BAIAP2: variants seen among roughly 807,000 people sequenced by gnomAD.
The protein encoded by BAIAP2 is BAR/IMD domain containing adaptor protein 2, also known as BAR/IMD domain-containing adapter protein 2.
BAIAP2 carries 18 observed loss-of-function variants against 63.0 expected under a neutral mutation model. The ratio of observed to expected loss-of-function variants is 0.29; its 90% CI spans 0.20 to 0.42. The LOEUF (loss-of-function observed/expected upper bound fraction) is 0.42. BAIAP2 is among the 10% of genes least tolerant of loss of function. The pLI is 1.00. For synonymous variants in BAIAP2, 386 were observed against 307.6 expected, an observed-to-expected ratio of 1.25 and a Z score of -2.67; for missense variants, 610 against 734.3, an observed-to-expected ratio of 0.83 and a Z score of 1.96.
chr17:81,062,493 C>G (rs959551026), intron 3 of BAIAP2, among the ~76,000 whole-genome samples: 2 of 152,296 alleles, frequency 1.3e-5, no homozygotes, highest in East Asian at 3.9e-4. Context: ...TGCACCCTTG[C>G]ACTGGCTTTG....
At chr17:81,071,698 T>C (rs2052693202) in intron 3 of BAIAP2, among the ~76,000 whole-genome samples, 1 of 152,258 alleles carries the variant, frequency 6.6e-6, no homozygotes, top group Non-Finnish European at 1.5e-5. Flanking sequence ...TTTGAGGGAC[T>C]CACGTCCAGC....
intron 1 of BAIAP2, among the ~76,000 whole-genome samples, chr17:81,038,139 G>A (rs977307703): frequency 6.6e-5 from 10 of 152,234 alleles, no homozygotes; most frequent in African/African-American, 1.9e-4. Flanking sequence ...GCTTGCTCAG[G>A]TTGCCCTGGG....
chr17:81,073,074 G>A (rs2052990304), intron 3 of BAIAP2, among the ~76,000 whole-genome samples: 1 of 152,130 alleles, frequency 6.6e-6, no homozygotes, highest in Non-Finnish European at 1.5e-5. Flanking sequence ...GAGGGTACCT[G>A]CTCTGGGGCC....
At chr17:81,075,292 C>T (rs1372551194) in intron 3 of BAIAP2, among the ~76,000 whole-genome samples, 24 of 152,254 alleles carry the variant, frequency 1.6e-4, no homozygotes, top group Admixed American at 1.6e-3. Context: ...GGACCATCCT[C>T]ACCTCCCTCC....
Position 81,060,276 on chromosome 17 carries a change from C to G in BAIAP2, c.217+2309C>G, listed in dbSNP as rs563607205. On this transcript the variant is annotated intron_variant, in intron 3 of 13. Coordinates refer to ENST00000428708, the MANE Select transcript of BAIAP2 (RefSeq NM_001144888.2). Reference sequence around the variant, plus strand: ...GTGCAACCATTGCCCCATCTAACTCCAAAGCATTTTTATCACCCCAAAGCG... The same window carrying G: ...GTGCAACCATTGCCCCATCTAACTCGAAAGCATTTTTATCACCCCAAAGCG... Among the ~76,000 whole-genome samples, 4 of 151,148 alleles carry G rather than the reference C, an allele frequency of 2.6e-5. No individual in the cohort carries two copies. The South Asian group carries it at 8.3e-4, about 31-fold the overall frequency.
intron 6 of BAIAP2, among the ~76,000 whole-genome samples, chr17:81,099,255 C>T (rs2058161371): frequency 6.6e-6 from 1 of 151,952 alleles, no homozygotes; most frequent in South Asian, 2.1e-4. Flanking sequence ...CCTTGGTGCA[C>T]GCTTATCCGG....
intron 6 of BAIAP2, among the ~76,000 whole-genome samples, chr17:81,091,627 A>C (rs1457411394): frequency 6.6e-6 from 1 of 152,162 alleles, no homozygotes; most frequent in Admixed American, 6.5e-5. Flanking sequence ...ACGTCGTTGG[A>C]GTGCAGGGCA....
At chr17:81,058,117 T>G in intron 3 of BAIAP2, 150 bp downstream of exon 3, 1 of 695,610 alleles carries the variant, frequency 1.4e-6, no homozygotes, top group African/African-American at 1.8e-5. Context: ...CCCTGGGAGC[T>G]GCCTTGTGGG....
At position 81,046,720 on chromosome 17, in the gene BAIAP2, C is replaced by T. The variant is rs562723183; in HGVS notation, c.55-6948C>T. 8.2e-4 allele frequency among the ~76,000 whole-genome samples: 125 copies of T among 152,342 alleles called. No individual in the cohort carries two copies. The highest frequency in any genetic ancestry group is 2.8e-3 in the African/African-American group (117 of 41,576). On this transcript the variant is annotated intron_variant, in intron 1 of 13. Transcript: ENST00000428708. The surrounding 1 kb of genome is among the most constrained non-coding windows in gnomAD (Gnocchi z 4.5). ...ACTGTCCACTGCTGCAGGGCCCCTC[C>T]TGTACCTCCCTAGTCCATGCTGTAC...
intron 10 of BAIAP2, 121 bp from the exon 11 acceptor site, chr17:81,105,957 C>T (rs2059133912): frequency 6.1e-6 from 5 of 815,336 alleles, no homozygotes; most frequent in Non-Finnish European, 5.9e-6. Flanking sequence ...GTCTCTGTTG[C>T]TCCAGAGACA....
intron 13 of BAIAP2, chr17:81,110,432 GTTTCC>G (rs1436600249): frequency 2.6e-5 from 26 of 992,318 alleles, no homozygotes; most frequent in Non-Finnish European, 1.9e-5. Context: ...TTTTTTTCCT[GTTTCC>G]TTTCCTTTTT....
At chr17:81,062,594 C>G (rs1434249992) in intron 3 of BAIAP2, among the ~76,000 whole-genome samples, 1 of 152,126 alleles carries the variant, frequency 6.6e-6, no homozygotes, top group South Asian at 2.1e-4. Flanking sequence ...GTCAGCTTCT[C>G]CTCCTCCCGG....
At chr17:81,055,574 G>GTTTTTTTTTTTTT (rs1555657874) in intron 2 of BAIAP2, among the ~76,000 whole-genome samples, 39 of 123,408 alleles carry the variant, frequency 3.2e-4, no homozygotes, top group Non-Finnish European at 5.0e-4. Context: ...AGGGTGTTTT[G>GTTTTTTTTTTTTT]TTTTTTTTTG....
At chr17:81,048,580 A>G (rs796519600) in intron 1 of BAIAP2, among the ~76,000 whole-genome samples, 10 of 152,094 alleles carry the variant, frequency 6.6e-5, no homozygotes, top group African/African-American at 2.4e-4. Context: ...GCACTGAATC[A>G]TAATGGCCAT....
intron 7 of BAIAP2, among the ~76,000 whole-genome samples, chr17:81,102,151 C>CCACAGACCCACAGACT (rs559299604): frequency 1.3e-5 from 2 of 152,300 alleles, no homozygotes; most frequent in East Asian, 3.9e-4. Flanking sequence ...TCCCACAGAC[C>CCACAGACCCACAGACT]CACTTAGAGA....
In BAIAP2 at chr17:81,106,909, T is replaced by C. The variant is rs1292854129; in HGVS notation, c.1500+2T>C. The C allele has an allele frequency of 1.3e-6, 2 of 1,530,260 alleles. No homozygotes were observed. The highest frequency in any genetic ancestry group is 2.8e-5 in the African/African-American group (2 of 72,572). 94.8% of individuals were successfully genotyped at this position (1,530,260 alleles called of 1,614,324 possible). On this transcript the variant is annotated splice_donor_variant, in intron 12 of 13. Coordinates refer to ENST00000428708, the MANE Select transcript of BAIAP2 (RefSeq NM_001144888.2). LOFTEE classifies it high-confidence loss of function. The stretch of plus-strand genomic sequence containing the variant: ...GTGGCCGTGCCCGCCTTCTCCCAGG[T>C]CAGTGGGCGGGGCCGGGGCTGGGAG...
Position 81,116,639 on chromosome 17 carries a change from A to T in BAIAP2, c.*800A>T. The T allele has an allele frequency of 2.7e-6, 1 of 375,406 alleles. No homozygotes were observed. Among genetic ancestry groups the T allele is most frequent in the South Asian group, 3.9e-5 (1 of 25,432 alleles). 23.3% of individuals were successfully genotyped at this position (375,406 alleles called of 1,614,324 possible). ...GGTCTGCCCCAGGACTCCTGGGTGG[A>T]CCTCCCCCCCCCACCTCCGCTGACT... On this transcript the variant is annotated 3_prime_UTR_variant, in exon 14 of 14. Transcript: ENST00000428708.
intron 3 of BAIAP2, among the ~76,000 whole-genome samples, chr17:81,079,053 G>A (rs1456565755): frequency 6.6e-6 from 1 of 152,196 alleles, no homozygotes; most frequent in Non-Finnish European, 1.5e-5. Context: ...GAAAGGAGCT[G>A]GGGACTCAGC....
In BAIAP2 at chr17:81,111,982, T is replaced by C. The variant is rs1302621472; in HGVS notation, c.1535+3473T>C. Among the ~76,000 whole-genome samples the C allele has an allele frequency of 7.2e-5, 11 of 152,374 alleles. No homozygotes were observed. The East Asian group carries it at 1.9e-3, about 27-fold the overall frequency. ...ACAGGCAGATCATGGATCTGTCTTC[T>C]TTCACTGCCTTTCTGTTGTTGATTT... On this transcript the variant is annotated intron_variant, in intron 13 of 13. Transcript: ENST00000428708.
Sources: allele counts gnomAD v4.1 joint callset (sites outside exome capture counted in the v4.1 genomes callset), GRCh38; gene constraint gnomAD v4.1.1; non-coding constraint Gnocchi (gnomAD v3.1); transcripts MANE v1.5; gene names NCBI Gene and HGNC (gene_info 2026-07-23, HGNC 2026-07-21).